NOS1AP: variants seen among roughly 807,000 people sequenced by gnomAD.
NOS1AP encodes carboxyl-terminal PDZ ligand of neuronal nitric oxide synthase protein.
Under a neutral mutation model 56.2 loss-of-function variants are expected in NOS1AP, and 21 were observed. The observed-to-expected ratio is 0.37, with a 90% CI of 0.26 to 0.54. The LOEUF is 0.54. Among genes scored for constraint, NOS1AP ranks in the 20% least tolerant of loss-of-function variants. NOS1AP has a pLI of 0.84. For missense variants in NOS1AP, 522 were observed against 657.8 expected (o/e 0.79, Z 2.26); for synonymous variants, 270 against 274.6 (o/e 0.98, Z 0.17).
In NOS1AP at chr1:162,277,692, C is replaced by T. The variant is rs866339290; in HGVS notation, c.178-9652C>T. On this transcript the variant is annotated intron_variant, in intron 2 of 9. Transcript: ENST00000361897. ...GTGACCCCCACATCCTGTCTAGCTCCTATTACCTGATTCTCCAGTGCAAGA... is the reference window on the plus strand; with the variant it reads ...GTGACCCCCACATCCTGTCTAGCTCTTATTACCTGATTCTCCAGTGCAAGA... Among the ~76,000 whole-genome samples the T allele has an allele frequency of 3.3e-5, 5 of 152,208 alleles. No homozygotes were observed. In the South Asian group the frequency reaches 1.0e-3, roughly 32 times the overall value.
intron 2 of NOS1AP, among the ~76,000 whole-genome samples, chr1:162,157,528 C>CT (rs1253007451): frequency 6.6e-6 from 1 of 152,212 alleles, no homozygotes; most frequent in Non-Finnish European, 1.5e-5. Flanking sequence ...CGGTGCCAGG[C>CT]TAACATTGGG....
intron 2 of NOS1AP, among the ~76,000 whole-genome samples, chr1:162,279,671 C>T (rs948409948): frequency 1.3e-5 from 2 of 152,150 alleles, no homozygotes; most frequent in Non-Finnish European, 2.9e-5. Flanking sequence ...AAGTTAATTT[C>T]CAATATGTTC....
At chr1:162,192,736 T>C (rs1226923979) in intron 2 of NOS1AP, among the ~76,000 whole-genome samples, 3 of 152,236 alleles carry the variant, frequency 2.0e-5, no homozygotes, top group Non-Finnish European at 1.5e-5. Context: ...AATCTACCTG[T>C]AGTCAGGTTT....
At chr1:162,213,811 G>T (rs1434583652) in intron 2 of NOS1AP, among the ~76,000 whole-genome samples, 3 of 152,210 alleles carry the variant, frequency 2.0e-5, no homozygotes, top group Non-Finnish European at 4.4e-5. Flanking sequence ...AGTTCTGAAA[G>T]GCTCTCTTTG....
At chr1:162,081,284 C>T (rs113275420) in intron 1 of NOS1AP, among the ~76,000 whole-genome samples, 33 of 152,188 alleles carry the variant, frequency 2.2e-4, no homozygotes, top group Non-Finnish European at 2.6e-4. Context: ...TGGCTATGTC[C>T]GGGACCCAGG....
chr1:162,097,481 GTTC>G (rs201046695), intron 1 of NOS1AP, among the ~76,000 whole-genome samples: 3,093 of 152,210 alleles, frequency 0.02, 50 homozygotes, highest in Middle Eastern at 0.034. Context: ...TCATAATAGT[GTTC>G]TTCTATATCT....
At chr1:162,163,753 T>C (rs536228139) in intron 2 of NOS1AP, among the ~76,000 whole-genome samples, 1 of 152,276 alleles carries the variant, frequency 6.6e-6, no homozygotes, top group East Asian at 1.9e-4. Flanking sequence ...ACTTGGGAGC[T>C]TGAGGGAGTG....
At chr1:162,199,248 A>T (rs1192251540) in intron 2 of NOS1AP, among the ~76,000 whole-genome samples, 1 of 152,162 alleles carries the variant, frequency 6.6e-6, no homozygotes, top group Admixed American at 6.5e-5. Flanking sequence ...CTTTGATGGA[A>T]TCTCGCATAG....
chr1:162,255,490 A>ATTTTTTTTTT lies in NOS1AP; in HGVS notation c.178-31828_178-31819dup, dbSNP rs35637289. Among the ~76,000 whole-genome samples, 101 of 61,000 alleles carry ATTTTTTTTTT rather than the reference A, an allele frequency of 1.7e-3. 11 individuals carry two copies. The highest frequency in any genetic ancestry group is 2.1e-3 in the Non-Finnish European group (59 of 28,178). The allele number at this position is 61,000 out of a possible 152,430, so 40.0% of individuals were successfully genotyped here. A position where few individuals can be genotyped will look rare whatever the true frequency, so the allele number is the denominator to read the frequency against. ...ATGCATAGGTTATTTGCTGCTGCTGATTTTTTTTTTTTTTTTTTTTTTTTT... is the reference window on the plus strand; with the variant it reads ...ATGCATAGGTTATTTGCTGCTGCTGATTTTTTTTTTTTTTTTTTTTTTTTTTTTTTTTTTT... On this transcript the variant is annotated intron_variant, in intron 2 of 9. Coordinates refer to ENST00000361897, the MANE Select transcript of NOS1AP (RefSeq NM_014697.3).
At chr1:162,305,163 T>TA (rs533555526) in intron 4 of NOS1AP, among the ~76,000 whole-genome samples, 21 of 152,190 alleles carry the variant, frequency 1.4e-4, no homozygotes, top group Non-Finnish European at 2.5e-4. Flanking sequence ...TTTGCCATTT[T>TA]AACCATTTTT....
At chr1:162,264,630 C>T (rs536808950) in intron 2 of NOS1AP, among the ~76,000 whole-genome samples, 24 of 151,382 alleles carry the variant, frequency 1.6e-4, no homozygotes, top group African/African-American at 5.6e-4. Flanking sequence ...CCTCAGCCTC[C>T]CGAGTAGCTG....
intron 2 of NOS1AP, among the ~76,000 whole-genome samples, chr1:162,206,256 T>TAA (rs55920537): frequency 5.0e-4 from 73 of 146,586 alleles, no homozygotes; most frequent in African/African-American, 1.4e-3. Flanking sequence ...ATTTCTCTCT[T>TAA]AAAAAAAAAA....
intron 2 of NOS1AP, among the ~76,000 whole-genome samples, chr1:162,281,858 C>T (rs1348585389): frequency 2.0e-5 from 3 of 152,296 alleles, no homozygotes; most frequent in African/African-American, 7.2e-5. Context: ...CGGTGGCTCA[C>T]GCCTGTAATC....
At chr1:162,233,981 A>C (rs148805740) in intron 2 of NOS1AP, among the ~76,000 whole-genome samples, 22 of 152,326 alleles carry the variant, frequency 1.4e-4, no homozygotes, top group African/African-American at 5.0e-4. Flanking sequence ...ACTTTGAGAA[A>C]CACATCTTGT....
chr1:162,304,116 A>G (rs1206236378), intron 4 of NOS1AP, among the ~76,000 whole-genome samples: 1 of 152,090 alleles, frequency 6.6e-6, no homozygotes, highest in African/African-American at 2.4e-5. Context: ...TATGTGTATA[A>G]TCCAAGTTGA....
intron 2 of NOS1AP, among the ~76,000 whole-genome samples, chr1:162,190,470 G>C (rs1651588359): frequency 6.6e-6 from 1 of 151,892 alleles, no homozygotes; most frequent in Non-Finnish European, 1.5e-5. Context: ...TAAACAATCT[G>C]ATTTTATTTA....
intron 1 of NOS1AP, among the ~76,000 whole-genome samples, chr1:162,121,082 ATTTTT>A (rs372854857): frequency 5.8e-5 from 6 of 103,068 alleles, no homozygotes; most frequent in Non-Finnish European, 8.0e-5. Flanking sequence ...GCACACTAGG[ATTTTT>A]TTTTTTTTTT....
intron 2 of NOS1AP, among the ~76,000 whole-genome samples, chr1:162,271,159 T>C (rs1162893349): frequency 1.3e-5 from 2 of 152,046 alleles, no homozygotes; most frequent in Non-Finnish European, 2.9e-5. Context: ...GTGCAGTTTT[T>C]GTTCTTCTTC....
intron 2 of NOS1AP, among the ~76,000 whole-genome samples, chr1:162,235,257 C>T (rs966506951): frequency 6.6e-6 from 1 of 152,160 alleles, no homozygotes; most frequent in African/African-American, 2.4e-5. Flanking sequence ...TAATCTTACT[C>T]ATCTCCCCAC....
Sources: allele counts gnomAD v4.1 joint callset (sites outside exome capture counted in the v4.1 genomes callset), GRCh38; gene constraint gnomAD v4.1.1; transcripts MANE v1.5; gene names NCBI Gene and HGNC (gene_info 2026-07-23, HGNC 2026-07-21).